Variants in SULF2 observed in about 807,000 individuals in gnomAD.
The protein encoded by SULF2 is sulfatase 2, also known as extracellular sulfatase Sulf-2.
Under a neutral mutation model 107.7 loss-of-function variants are expected in SULF2, and 52 were observed. The ratio of observed to expected loss-of-function variants is 0.48; its 90% CI spans 0.39 to 0.61. SULF2 has a LOEUF of 0.61. Among genes scored for constraint, SULF2 ranks in the 20% least tolerant of loss-of-function variants. The probability of loss-of-function intolerance (pLI) is 0.00; values close to 1 mark genes in which losing one functional copy is unlikely to be tolerated. For missense variants in SULF2, 993 were observed against 1,177.3 expected (o/e 0.84, Z 2.29); for synonymous variants, 460 against 464.3 (o/e 0.99, Z 0.12).
intron 3 of SULF2, among the ~76,000 whole-genome samples, chr20:47,713,895 G>A (rs534422867): frequency 6.6e-6 from 1 of 152,344 alleles, no homozygotes; most frequent in African/African-American, 2.4e-5. Context: ...GAAACCAGAT[G>A]TGACACCGTT....
chr20:47,764,703 T>A (rs1014164192), intron 1 of SULF2, among the ~76,000 whole-genome samples: 2 of 152,040 alleles, frequency 1.3e-5, no homozygotes, highest in African/African-American at 4.8e-5. Context: ...GTGGACCAAG[T>A]TGCATCTTGT....
intron 3 of SULF2, among the ~76,000 whole-genome samples, chr20:47,711,320 G>A (rs1167008415): frequency 6.6e-6 from 1 of 152,226 alleles, no homozygotes; most frequent in Non-Finnish European, 1.5e-5. Flanking sequence ...CTAGCTGTGG[G>A]ACCACAAAGG....
intron 1 of SULF2, among the ~76,000 whole-genome samples, chr20:47,775,113 T>C (rs185721300): frequency 3.3e-4 from 50 of 152,318 alleles, no homozygotes; most frequent in East Asian, 2.9e-3. Context: ...CACTGCCTGG[T>C]ATTCAAACCC....
chr20:47,696,997 G>A (rs2088400705), intron 4 of SULF2, among the ~76,000 whole-genome samples: 1 of 152,214 alleles, frequency 6.6e-6, no homozygotes, highest in Admixed American at 6.5e-5. Context: ...AGACAGAGAA[G>A]TGTACACGCT....
At chr20:47,761,043 T>C (rs889182650) in intron 1 of SULF2, among the ~76,000 whole-genome samples, 4 of 152,226 alleles carry the variant, frequency 2.6e-5, no homozygotes, top group Admixed American at 1.3e-4. Flanking sequence ...GGATTAAATG[T>C]GTTGATACAG....
chr20:47,750,470 G>A (rs74619368), intron 2 of SULF2, among the ~76,000 whole-genome samples: 2 of 152,240 alleles, frequency 1.3e-5, no homozygotes, highest in African/African-American at 4.8e-5. Context: ...GGTCTGAACC[G>A]CTATCATCTC....
intron 2 of SULF2, among the ~76,000 whole-genome samples, chr20:47,739,445 C>G (rs1223473168): frequency 3.3e-5 from 5 of 152,170 alleles, no homozygotes; most frequent in African/African-American, 1.2e-4. Context: ...GCCCTCCCAC[C>G]TCCTGGCCCC....
At chr20:47,724,636 C>T (rs2089387857) in intron 3 of SULF2, among the ~76,000 whole-genome samples, 1 of 152,198 alleles carries the variant, frequency 6.6e-6, no homozygotes, top group Non-Finnish European at 1.5e-5. Context: ...TTATTGCCTG[C>T]TGAGTCACCA....
chr20:47,680,954 G>T lies in SULF2; in HGVS notation c.1064+2040C>A, dbSNP rs1254865171. Among the ~76,000 whole-genome samples the T allele has an allele frequency of 1.3e-5, 2 of 152,198 alleles. No homozygotes were observed. Among genetic ancestry groups the T allele is most frequent in the African/African-American group, 4.8e-5 (2 of 41,438 alleles). ...ATGTACTCAGCCTGGTTACTCAAGGGTTTCTGTCACCTCTGGCTACAGTGA... is the reference window on the plus strand; with the variant it reads ...ATGTACTCAGCCTGGTTACTCAAGGTTTTCTGTCACCTCTGGCTACAGTGA... On this transcript the variant is annotated intron_variant, in intron 7 of 20. Transcript: ENST00000688720. This position sits in a 1 kb window ranked among gnomAD's most constrained non-coding sequence, Gnocchi z 4.2.
chr20:47,726,235 TCA>T (rs2089439760), intron 3 of SULF2, among the ~76,000 whole-genome samples: 1 of 152,234 alleles, frequency 6.6e-6, no homozygotes, highest in Non-Finnish European at 1.5e-5. Context: ...AGACAAGGTC[TCA>T]CTCTGTTGCC....
In SULF2 at chr20:47,666,370, C is replaced by T; in HGVS notation, c.1695G>A (p.Arg565=). 6 of 1,614,118 alleles carry T rather than the reference C, an allele frequency of 3.7e-6. No homozygotes were observed. Among genetic ancestry groups the T allele is most frequent in the Non-Finnish European group, 5.1e-6 (6 of 1,180,036 alleles). Residue 565 remains arginine, a synonymous_variant, in exon 12 of 21, where the codon CGG becomes CGA. Coordinates refer to ENST00000688720, the MANE Select transcript of SULF2 (RefSeq NM_001387048.1). This position sits in a 1 kb window ranked among gnomAD's most constrained non-coding sequence, Gnocchi z 5.4. The part of the protein sequence containing the change: ...DAAQPRNLTK[R]HWPGAPEDQD... ...GGTCCTCAGGGGCCCCTGGCCAGTG[C>T]CGCTTGGTGAGGTTTCGGGGCTGGG...
Position 47,665,432 on chromosome 20 carries a change from GGCA to G in SULF2, c.1903-142_1903-140del. On this transcript the variant is annotated intron_variant, in intron 13 of 20. Transcript: ENST00000688720. ...CTCCCCGGGCCCCAGGGCAAGCACC[GGCA>G]TGTCTGGGTGGGGAGGAGGTACTTG... The G allele has an allele frequency of 4.4e-6, 3 of 681,396 alleles. No individual in the cohort carries two copies. In the South Asian group the frequency reaches 5.1e-5, roughly 12 times the overall value. The allele number at this position is 681,396 out of a possible 1,614,324, so 42.2% of individuals were successfully genotyped here. A position where few individuals can be genotyped will look rare whatever the true frequency, so the allele number is the denominator to read the frequency against.
intron 11 of SULF2, among the ~76,000 whole-genome samples, chr20:47,670,485 C>A (rs2087426460): frequency 6.6e-6 from 1 of 150,920 alleles, no homozygotes. Context: ...AGCCACTGTG[C>A]CCGATCAGGA....
At chr20:47,683,902 C>T (rs1335886286) in intron 6 of SULF2, among the ~76,000 whole-genome samples, 1 of 152,220 alleles carries the variant, frequency 6.6e-6, no homozygotes, top group African/African-American at 2.4e-5. Flanking sequence ...CAGAAGGCCA[C>T]AGCGTGTACG....
Position 47,742,849 on chromosome 20 carries a change from TC to T in SULF2, c.176-5908del, listed in dbSNP as rs1298926576. ...AGGAAATGCTGAATGAATTTGCTCT[TC>T]TAAAGGTCTAAGTCAGAGCAAACAC... On this transcript the variant is annotated intron_variant, in intron 2 of 20. Coordinates refer to ENST00000688720, the MANE Select transcript of SULF2 (RefSeq NM_001387048.1). Among the ~76,000 whole-genome samples, 12 of 152,136 alleles carry T rather than the reference TC, an allele frequency of 7.9e-5. No individual in the cohort carries two copies. In the South Asian group the frequency reaches 2.5e-3, roughly 32 times the overall value.
intron 2 of SULF2, among the ~76,000 whole-genome samples, chr20:47,746,426 G>A (rs940141330): frequency 5.3e-5 from 8 of 152,160 alleles, no homozygotes; most frequent in African/African-American, 1.2e-4. Flanking sequence ...TAACAGGCTG[G>A]AACTCATTCA....
chr20:47,738,337 C>G (rs1221254360), intron 2 of SULF2, among the ~76,000 whole-genome samples: 1 of 152,236 alleles, frequency 6.6e-6, no homozygotes, highest in Non-Finnish European at 1.5e-5. Flanking sequence ...TGGAAACCCT[C>G]TCTCCTTCTT....
chr20:47,675,928 C>T (rs189068211), intron 10 of SULF2, among the ~76,000 whole-genome samples: 38 of 152,224 alleles, frequency 2.5e-4, no homozygotes, highest in East Asian at 7.7e-4. Flanking sequence ...AGTGCAGTGG[C>T]GCAATCATAG....
At chr20:47,786,483 T>G (rs2090933439), upstream of SULF2, 3 of 150,316 alleles carry the variant, frequency 2.0e-5, no homozygotes, top group South Asian at 2.2e-4. Flanking sequence ...CATTTGCCAT[T>G]GGAGAGGCCG....
Sources: allele counts gnomAD v4.1 joint callset (sites outside exome capture counted in the v4.1 genomes callset), GRCh38; gene constraint gnomAD v4.1.1; non-coding constraint Gnocchi (gnomAD v3.1); transcripts MANE v1.5; gene names NCBI Gene and HGNC (gene_info 2026-07-23, HGNC 2026-07-21).